Variants in COL4A2 observed in about 807,000 individuals in gnomAD.
The protein encoded by COL4A2 is collagen alpha-2(IV) chain.
A neutral mutation model predicts 200.2 loss-of-function variants in COL4A2; 99 were observed. The observed-to-expected ratio is 0.49, with a 90% CI of 0.42 to 0.58. COL4A2 has a LOEUF of 0.58. Among genes scored for constraint, COL4A2 ranks in the 20% least tolerant of loss-of-function variants. The pLI is 0.00. For missense variants in COL4A2, 1,950 were observed against 2,314.1 expected (o/e 0.84, Z 3.23); for synonymous variants, 897 against 900.6 (o/e 1.00, Z 0.07).
At position 110,469,906 on chromosome 13, in the gene COL4A2, C is replaced by CTTTTTTTT. The variant is rs66524559; in HGVS notation, c.2203+598_2203+605dup. 2.5e-3 allele frequency among the ~76,000 whole-genome samples: 192 copies of CTTTTTTTT among 75,574 alleles called. 8 individuals carry two copies. The highest frequency in any genetic ancestry group is 3.2e-3 in the Non-Finnish European group (134 of 42,380). The allele number at this position is 75,574 out of a possible 152,430, so 49.6% of individuals were successfully genotyped here. On this transcript the variant is annotated intron_variant, in intron 28 of 47. Transcript: ENST00000360467. ...GCCTTGATTGCAGGGGCATACACGTCTTTTTTTTTTTTTTTTTTTTTTTAA... is the reference window on the plus strand; with the variant it reads ...GCCTTGATTGCAGGGGCATACACGTCTTTTTTTTTTTTTTTTTTTTTTTTTTTTTTTAA...
intron 40 of COL4A2, among the ~76,000 whole-genome samples, chr13:110,498,218 G>T (rs1326212718): frequency 2.0e-5 from 3 of 152,220 alleles, no homozygotes; most frequent in Admixed American, 1.3e-4. Context: ...GTATTGGGAG[G>T]ATACAATGAG....
At chr13:110,335,978 A>G (rs562499975) in intron 3 of COL4A2, among the ~76,000 whole-genome samples, 3 of 152,342 alleles carry the variant, frequency 2.0e-5, no homozygotes, top group South Asian at 2.1e-4. Context: ...TCTGTTGGCA[A>G]TGTAGACTCA....
intron 3 of COL4A2, among the ~76,000 whole-genome samples, chr13:110,317,385 C>T (rs1313881496): frequency 3.3e-5 from 5 of 152,152 alleles, no homozygotes; most frequent in East Asian, 3.9e-4. Context: ...CACACATGCT[C>T]ATGCGTGTAC....
In COL4A2 at chr13:110,402,480, A is replaced by C. The variant is rs9521744; in HGVS notation, c.181-22254A>C. On this transcript the variant is annotated intron_variant, in intron 4 of 47. Coordinates refer to ENST00000360467, the MANE Select transcript of COL4A2 (RefSeq NM_001846.4). ...CACTGGGGTGGGGATTGGTTCCTTGAGTCTCGGGGCAGCCCCGCCTCCCAT... is the reference window on the plus strand; with the variant it reads ...CACTGGGGTGGGGATTGGTTCCTTGCGTCTCGGGGCAGCCCCGCCTCCCAT... Among the ~76,000 whole-genome samples, 6 of 151,540 alleles carry C rather than the reference A, an allele frequency of 4.0e-5. No homozygotes were observed. In the East Asian group the frequency reaches 1.2e-3, roughly 30 times the overall value.
intron 3 of COL4A2, among the ~76,000 whole-genome samples, chr13:110,337,567 G>T (rs1876256485): frequency 6.6e-6 from 1 of 152,228 alleles, no homozygotes; most frequent in Non-Finnish European, 1.5e-5. Flanking sequence ...GGGTTGCCTT[G>T]GGATTCACAA....
At chr13:110,417,686 G>C (rs1339295557) in intron 4 of COL4A2, among the ~76,000 whole-genome samples, 2 of 152,142 alleles carry the variant, frequency 1.3e-5, no homozygotes, top group Non-Finnish European at 2.9e-5. Flanking sequence ...GCCTTTTCTA[G>C]AATGTCATAA....
rs1323447578 is a variant in COL4A2 at position 110,430,573 on chromosome 13, G to A, written c.614G>A (p.Gly205Glu). Reference protein sequence around the residue: ...QGPPGRPGHVGQMGPVGAPGR... With the variant: ...QGPPGRPGHVEQMGPVGAPGR... ...CCTCCCGGCCGCCCTGGGCATGTGG[G>A]ACAGATGGGTCCAGTTGGAGCTCCA... Residue 205 changes from glycine (G) to glutamate (E), a missense_variant, in exon 10 of 48, where the codon GGA becomes GAA. Transcript: ENST00000360467. The A allele has an allele frequency of 6.2e-7, 1 of 1,614,182 alleles. No individual in the cohort carries two copies.
At chr13:110,335,719 A>G (rs141077447) in intron 3 of COL4A2, among the ~76,000 whole-genome samples, 40 of 152,326 alleles carry the variant, frequency 2.6e-4, no homozygotes, top group African/African-American at 9.6e-4. Context: ...TTGGCCACCC[A>G]TCTCCAAGGT....
intron 4 of COL4A2, among the ~76,000 whole-genome samples, chr13:110,395,438 G>A (rs970294901): frequency 1.3e-5 from 2 of 152,148 alleles, no homozygotes; most frequent in Non-Finnish European, 2.9e-5. Context: ...GGTGTCCCAC[G>A]ATCTCAGTGC....
rs1172003509 is a variant in COL4A2, at chr13:110,408,804, C to T, written c.181-15930C>T. The stretch of plus-strand genomic sequence containing the variant: ...TGACACGCGTACACACACACGCACA[C>T]ATATATATACACACACACATGCACA... On this transcript the variant is annotated intron_variant, in intron 4 of 47. Coordinates refer to ENST00000360467, the MANE Select transcript of COL4A2 (RefSeq NM_001846.4). 3.3e-5 allele frequency among the ~76,000 whole-genome samples: 4 copies of T among 122,346 alleles called. 1 individual carries two copies. The highest frequency in any genetic ancestry group is 1.0e-4 in the African/African-American group (3 of 29,618). 80.3% of individuals were successfully genotyped at this position (122,346 alleles called of 152,430 possible). A position where few individuals can be genotyped will look rare whatever the true frequency, so the allele number is the denominator to read the frequency against.
intron 4 of COL4A2, among the ~76,000 whole-genome samples, chr13:110,401,077 A>G (rs1009656147): frequency 2.6e-5 from 4 of 152,218 alleles, no homozygotes; most frequent in Non-Finnish European, 5.9e-5. Flanking sequence ...TCAGTTTTAT[A>G]GCTGACTGTC....
At position 110,437,978 on chromosome 13, in the gene COL4A2, T is replaced by G. The variant is rs751102288; in HGVS notation, c.826-24T>G. On this transcript the variant is annotated intron_variant, in intron 13 of 47. Transcript: ENST00000360467. ...TACCATCCTCAAATTAATAAGCGTT[T>G]CTTATTTTTCATATTCTTCACAGGG... 3.8e-6 allele frequency: 6 copies of G among 1,599,352 alleles called. No homozygotes were observed. In the East Asian group the frequency reaches 1.3e-4, roughly 36 times the overall value.
chr13:110,489,347 TGTC>T, intron 34 of COL4A2, 95 bp from the exon 35 acceptor site: 1 of 1,181,254 alleles, frequency 8.5e-7, no homozygotes, highest in Non-Finnish European at 1.3e-6. Context: ...CCTTGAGTAT[TGTC>T]GTTAGCATAC....
intron 4 of COL4A2, among the ~76,000 whole-genome samples, chr13:110,377,208 T>C (rs1878273992): frequency 6.6e-6 from 1 of 152,146 alleles, no homozygotes; most frequent in Admixed American, 6.5e-5. Flanking sequence ...CAGAGTGCAT[T>C]GTCAGATGTT....
At chr13:110,447,284 C>T (rs1002620724) in intron 18 of COL4A2, among the ~76,000 whole-genome samples, 1 of 152,166 alleles carries the variant, frequency 6.6e-6, no homozygotes, top group African/African-American at 2.4e-5. Context: ...CTTGCCAGCC[C>T]GACACCTGGA....
At chr13:110,336,616 G>C (rs1481030139) in intron 3 of COL4A2, among the ~76,000 whole-genome samples, 1 of 152,146 alleles carries the variant, frequency 6.6e-6, no homozygotes, top group Non-Finnish European at 1.5e-5. Context: ...GGGGAAAGGG[G>C]GTCCCTTTTT....
intron 3 of COL4A2, among the ~76,000 whole-genome samples, chr13:110,331,813 C>T (rs1875928721): frequency 6.6e-6 from 1 of 152,188 alleles, no homozygotes; most frequent in East Asian, 1.9e-4. Context: ...TCTCTGTGAT[C>T]TGCCACTTCC....
At chr13:110,346,927 G>T (rs536181931) in intron 3 of COL4A2, among the ~76,000 whole-genome samples, 1 of 152,382 alleles carries the variant, frequency 6.6e-6, no homozygotes, top group Admixed American at 6.5e-5. Flanking sequence ...GCTCTGGACA[G>T]AGCCTCATCC....
In COL4A2 at chr13:110,466,035, G is replaced by A. The variant is rs143710874; in HGVS notation, c.2011G>A (p.Gly671Ser). 3.7e-4 allele frequency: 595 copies of A among 1,613,860 alleles called. 2 individuals are homozygous for A. The African/African-American group carries it at 6.8e-3, about 19-fold the overall frequency. ...CDTDVKRAVG[G>S]DRQEAIQPGC... ...CACAGATGTGAAAAGGGCCGTTGGA[G>A]GTGACAGACAGGAGGCCATCCAGCC... is the stretch of plus-strand genomic sequence containing the variant. The change falls in exon 26 of 48, where the codon GGT becomes AGT. Residue 671 changes from glycine to serine, a missense_variant. Transcript: ENST00000360467.
Sources: gnomAD v4.1 joint callset for allele counts (sites outside exome capture counted in the v4.1 genomes callset) on GRCh38, gnomAD v4.1.1 for gene constraint, MANE v1.5 for transcripts, NCBI Gene and HGNC (gene_info 2026-07-23, HGNC 2026-07-21) for gene names.